RNF214: variants seen among roughly 807,000 people sequenced by gnomAD.
RNF214 encodes ring finger protein 214.
A neutral mutation model predicts 75.9 loss-of-function variants in RNF214; 25 were observed. The ratio of observed to expected loss-of-function variants is 0.33; its 90% confidence interval spans 0.24 to 0.46. The LOEUF (loss-of-function observed/expected upper bound fraction) is 0.46, where lower values mean the gene tolerates loss of function less well. Among genes scored for constraint, RNF214 ranks in the 20% least tolerant of loss-of-function variants. RNF214 has a pLI of 1.00. For synonymous variants in RNF214, 314 were observed against 308.8 expected, an observed-to-expected ratio of 1.02 and a Z score of -0.18; for missense variants, 725 against 857.5, an observed-to-expected ratio of 0.85 and a Z score of 1.93.
intron 6 of RNF214, among the ~76,000 whole-genome samples, chr11:117,270,241 C>CTTTTTTTTTTTTT (rs57144374): frequency 6.6e-5 from 5 of 75,852 alleles, no homozygotes; most frequent in Non-Finnish European, 1.0e-4. Context: ...CTTTTCTTTT[C>CTTTTTTTTTTTTT]TTTTTTTTTT....
chr11:117,264,616 C>T (rs2033753430), intron 6 of RNF214, among the ~76,000 whole-genome samples: 2 of 152,004 alleles, frequency 1.3e-5, no homozygotes, highest in Non-Finnish European at 2.9e-5. Context: ...TATGAAATGT[C>T]CCTCTTTATC....
At chr11:117,238,038 C>T (rs143312699) in intron 2 of RNF214, among the ~76,000 whole-genome samples, 43 of 152,238 alleles carry the variant, frequency 2.8e-4, no homozygotes, top group African/African-American at 1.0e-3. Flanking sequence ...GCTAATTCAT[C>T]GGTATCCCCA....
Position 117,285,364 on chromosome 11 carries a change from G to T in RNF214, c.*213G>T, listed in dbSNP as rs560447416. 4 of 415,236 alleles carry T rather than the reference G, an allele frequency of 9.6e-6. No individual in the cohort carries two copies. Among genetic ancestry groups the T allele is most frequent in the African/African-American group, 6.2e-5 (3 of 48,462 alleles). The allele number at this position is 415,236 out of a possible 1,614,324, so 25.7% of individuals were successfully genotyped here. A position where few individuals can be genotyped will look rare whatever the true frequency, so the allele number is the denominator to read the frequency against. ...GAAACAGTCTGTTCCCCCTCATCTT[G>T]CAATTCCTTTGGGGGATGCAGATTG... On this transcript the variant is annotated 3_prime_UTR_variant, in exon 15 of 15. Coordinates refer to ENST00000300650, the MANE Select transcript of RNF214 (RefSeq NM_207343.4).
At chr11:117,251,401 C>T (rs868706096) in intron 6 of RNF214, among the ~76,000 whole-genome samples, 4 of 123,562 alleles carry the variant, frequency 3.2e-5, no homozygotes, top group African/African-American at 8.8e-5. Context: ...ACCTCCCTCC[C>T]GGACGGGGCG....
intron 6 of RNF214, among the ~76,000 whole-genome samples, chr11:117,247,630 A>C (rs908221283): frequency 1.3e-5 from 2 of 152,164 alleles, no homozygotes; most frequent in African/African-American, 4.8e-5. Flanking sequence ...AGGCAGGTGG[A>C]TCACGAGGTC....
At chr11:117,276,480 A>G (rs923993924) in intron 6 of RNF214, among the ~76,000 whole-genome samples, 7 of 152,100 alleles carry the variant, frequency 4.6e-5, no homozygotes, top group African/African-American at 1.4e-4. Context: ...ATGATGATAC[A>G]TGCTTATAGT....
chr11:117,279,141 GC>G (rs2034075480), intron 6 of RNF214, among the ~76,000 whole-genome samples: 1 of 152,094 alleles, frequency 6.6e-6, no homozygotes, highest in East Asian at 1.9e-4. Context: ...GTTTGGTCCT[GC>G]ATTCATTCTT....
chr11:117,245,664 A>G (rs1435410876), intron 5 of RNF214, among the ~76,000 whole-genome samples: 1 of 152,170 alleles, frequency 6.6e-6, no homozygotes, highest in South Asian at 2.1e-4. Context: ...TTAATAAAGA[A>G]TGTTCGGATA....
At chr11:117,243,466 T>A (rs1233242848) in intron 4 of RNF214, among the ~76,000 whole-genome samples, 1 of 152,190 alleles carries the variant, frequency 6.6e-6, no homozygotes, top group East Asian at 1.9e-4. Flanking sequence ...TTTGTTAAAA[T>A]GATTATAATA....
At chr11:117,281,449 C>T (rs2034125553) in intron 9 of RNF214, 45 bp downstream of exon 9, 2 of 1,478,692 alleles carry the variant, frequency 1.4e-6, no homozygotes, top group Admixed American at 1.7e-5. Context: ...TTAGTCTGTG[C>T]TTAACACTTC....
chr11:117,238,763 A>G lies in RNF214; in HGVS notation c.270A>G (p.Gly90=). The change falls in exon 3 of 15, where the codon GGA becomes GGG. Residue 90 remains glycine, a synonymous_variant. Coordinates refer to ENST00000300650, the MANE Select transcript of RNF214 (RefSeq NM_207343.4). ...CAGCAGCGCACCAGGTGGTTTTAGG[A>G]GAAAACTTGATAGCCACAGCCCTTT... ...DTSAAHQVVL[G]ENLIATALCL... 1 of 1,614,170 alleles carries G rather than the reference A, an allele frequency of 6.2e-7. No homozygotes were observed. The highest frequency in any genetic ancestry group is 8.5e-7 in the Non-Finnish European group (1 of 1,180,024).
Position 117,251,987 on chromosome 11 carries a change from G to A in RNF214, c.959+5039G>A, listed in dbSNP as rs371241191. Among the ~76,000 whole-genome samples the A allele has an allele frequency of 2.0e-4, 31 of 152,272 alleles. 1 individual carries two copies. The South Asian group carries it at 6.4e-3, about 32-fold the overall frequency. On this transcript the variant is annotated intron_variant, in intron 6 of 14. Transcript: ENST00000300650. ...GTGTTCAAGTGATTCTCCTGCCTCAGCCTCCTGAGTAGCTGGAACTACAGG... is the reference window on the plus strand; with the variant it reads ...GTGTTCAAGTGATTCTCCTGCCTCAACCTCCTGAGTAGCTGGAACTACAGG...
At chr11:117,276,218 C>G (rs2034013363) in intron 6 of RNF214, among the ~76,000 whole-genome samples, 1 of 152,110 alleles carries the variant, frequency 6.6e-6, no homozygotes, top group Admixed American at 6.6e-5. Flanking sequence ...ACAAATTAGG[C>G]ACAGAAGGAA....
chr11:117,267,739 A>T (rs1020486762), intron 6 of RNF214, among the ~76,000 whole-genome samples: 1 of 151,738 alleles, frequency 6.6e-6, no homozygotes, highest in Non-Finnish European at 1.5e-5. Context: ...AAAAAAAAAA[A>T]AGGCTTATTT....
intron 6 of RNF214, among the ~76,000 whole-genome samples, chr11:117,275,393 G>T (rs1226768705): frequency 6.6e-6 from 1 of 151,912 alleles, no homozygotes; most frequent in Non-Finnish European, 1.5e-5. Context: ...CAGAAGAAAA[G>T]AAATAACAAA....
chr11:117,238,468 A>G (rs1447745833), intron 2 of RNF214, 133 bp from the exon 3 acceptor site: 2 of 824,098 alleles, frequency 2.4e-6, no homozygotes, highest in African/African-American at 3.4e-5. Flanking sequence ...TGCATACAGG[A>G]TAGAAATCAT....
At chr11:117,262,306 C>T (rs1051860299) in intron 6 of RNF214, among the ~76,000 whole-genome samples, 7 of 152,136 alleles carry the variant, frequency 4.6e-5, no homozygotes, top group Non-Finnish European at 8.8e-5. Context: ...CCAGGATGGT[C>T]TCAAACTCCT....
chr11:117,252,624 G>C (rs1030117127), intron 6 of RNF214, among the ~76,000 whole-genome samples: 7 of 151,960 alleles, frequency 4.6e-5, no homozygotes, highest in African/African-American at 1.5e-4. Flanking sequence ...GGATTCAAGC[G>C]ATTCTCCTGC....
Position 117,285,272 on chromosome 11 carries a change from T to C in RNF214, c.*121T>C. On this transcript the variant is annotated 3_prime_UTR_variant, in exon 15 of 15. Transcript: ENST00000300650. ...ACTCATGCCATGTACATTTTTATTA[T>C]ATAGGTAATGTGTGTATAGAAAGTC... 1 of 680,980 alleles carries C rather than the reference T, an allele frequency of 1.5e-6. No individual in the cohort carries two copies. The allele number at this position is 680,980 out of a possible 1,614,324, so 42.2% of individuals were successfully genotyped here.
Sources: gnomAD v4.1 joint callset for allele counts (sites outside exome capture counted in the v4.1 genomes callset) on GRCh38, gnomAD v4.1.1 for gene constraint, MANE v1.5 for transcripts, NCBI Gene and HGNC (gene_info 2026-07-23, HGNC 2026-07-21) for gene names.